The following TRA2A variants were observed in gnomAD, a reference collection of about 807,000 sequenced individuals.
TRA2A encodes the protein transformer 2 alpha homolog, also known as transformer-2 protein homolog alpha.
In TRA2A, 31 loss-of-function variants were observed where a neutral mutation model predicts 45.7. That is an observed-to-expected ratio of 0.68 (90% CI 0.51 to 0.92). The LOEUF (loss-of-function observed/expected upper bound fraction) is 0.92, where lower values mean the gene tolerates loss of function less well. Ranked by LOEUF, TRA2A falls within the 40% of genes least tolerant of loss-of-function variation. TRA2A has a pLI of 0.00. For missense variants in TRA2A, 304 were observed against 367.5 expected (o/e 0.83, Z 1.41); for synonymous variants, 132 against 126.2 (o/e 1.05, Z -0.31).
chr7:23,509,747 C>CT (rs1229073861), intron 4 of TRA2A, among the ~76,000 whole-genome samples: 2 of 150,656 alleles, frequency 1.3e-5, no homozygotes, highest in African/African-American at 4.9e-5. Flanking sequence ...AAAAAAATCA[C>CT]TTTAGCCAAG....
intron 2 of TRA2A, among the ~76,000 whole-genome samples, chr7:23,518,228 T>C (rs1789975205): frequency 6.6e-6 from 1 of 151,954 alleles, no homozygotes; most frequent in African/African-American, 2.4e-5. Flanking sequence ...CCCATAAAGT[T>C]CTACATTCCC....
intron 2 of TRA2A, among the ~76,000 whole-genome samples, chr7:23,518,426 C>T (rs567582052): frequency 1.1e-3 from 168 of 152,316 alleles, no homozygotes; most frequent in African/African-American, 3.9e-3. Context: ...ACTGCAACCT[C>T]CGCCTTCTGG....
chr7:23,508,850 C>T (rs776711193), intron 4 of TRA2A, among the ~76,000 whole-genome samples: 5 of 152,266 alleles, frequency 3.3e-5, no homozygotes, highest in East Asian at 3.9e-4. Context: ...TCTCTTAACT[C>T]GTGGCCTCAA....
In TRA2A at chr7:23,511,541, T is replaced by C. The variant is rs185607027; in HGVS notation, c.525+1353A>G. On this transcript the variant is annotated intron_variant, in intron 4 of 7. Coordinates refer to ENST00000297071, the MANE Select transcript of TRA2A (RefSeq NM_013293.5). ...ACTAAAAGTATTGAGCTTCAAATTCTTTAAAATGCAATTTTCTAAATCAAT... is the reference window on the plus strand; with the variant it reads ...ACTAAAAGTATTGAGCTTCAAATTCCTTAAAATGCAATTTTCTAAATCAAT... 3.3e-5 allele frequency among the ~76,000 whole-genome samples: 5 copies of C among 152,088 alleles called. No individual in the cohort carries two copies. The East Asian group carries it at 7.7e-4, about 23-fold the overall frequency.
At chr7:23,520,278 G>A (rs1429743495) in intron 2 of TRA2A, among the ~76,000 whole-genome samples, 1 of 152,132 alleles carries the variant, frequency 6.6e-6, no homozygotes, top group Non-Finnish European at 1.5e-5. Flanking sequence ...AAATCAGACA[G>A]TGACAACATA....
In TRA2A at chr7:23,505,584, GCAAAAAAAAAAAAAA is replaced by G; in HGVS notation, c.839-30_839-16del. ...TCAATAGCGTCCTAAAAGAGAAAAA[GCAAAAAAAAAAAAAA>G]AAAAAAAAAGTTAACAATTATAGTT... On this transcript the variant is annotated splice_polypyrimidine_tract_variant and intron_variant, in intron 7 of 7. Transcript: ENST00000297071. The G allele has an allele frequency of 5.9e-6, 1 of 168,072 alleles. No homozygotes were observed. Among genetic ancestry groups the G allele is most frequent in the Non-Finnish European group, 9.6e-6 (1 of 104,662 alleles). 10.4% of individuals were successfully genotyped at this position (168,072 alleles called of 1,614,324 possible).
intron 2 of TRA2A, among the ~76,000 whole-genome samples, chr7:23,521,488 T>TGTGGTGCA (rs1364586330): frequency 6.6e-6 from 1 of 152,246 alleles, no homozygotes; most frequent in Non-Finnish European, 1.5e-5. Flanking sequence ...GCACCCAGGC[T>TGTGGTGCA]GTGGTGCAGT....
intron 1 of TRA2A, among the ~76,000 whole-genome samples, chr7:23,528,941 T>C (rs1331451272): frequency 1.3e-5 from 2 of 152,110 alleles, no homozygotes; most frequent in Non-Finnish European, 2.9e-5. Flanking sequence ...AAAACATAAA[T>C]AACTCTGGAA....
intron 4 of TRA2A, among the ~76,000 whole-genome samples, chr7:23,510,197 CTG>C (rs1354519052): frequency 3.3e-5 from 5 of 152,192 alleles, no homozygotes; most frequent in Admixed American, 3.3e-4. Context: ...AAAAGAGAAA[CTG>C]TGATTTAGCT....
At chr7:23,517,388 A>AG in intron 2 of TRA2A, among the ~76,000 whole-genome samples, 5 of 148,320 alleles carry the variant, frequency 3.4e-5, no homozygotes. Context: ...CTGAGGCAGG[A>AG]AATGGCGCGA....
intron 4 of TRA2A, among the ~76,000 whole-genome samples, chr7:23,510,567 A>T (rs1025540616): frequency 2.0e-5 from 3 of 152,102 alleles, no homozygotes; most frequent in Non-Finnish European, 4.4e-5. Flanking sequence ...ACCTCAGGTG[A>T]TCTGCCCGCC....
At chr7:23,507,575 A>C in intron 4 of TRA2A, 40 bp from the exon 5 acceptor site, 1 of 1,345,100 alleles carries the variant, frequency 7.4e-7, no homozygotes. Flanking sequence ...ATAATTCACC[A>C]GTCTTGAAGT....
chr7:23,507,253 C>A (rs996455940), intron 5 of TRA2A, 167 bp downstream of exon 5: 5 of 586,628 alleles, frequency 8.5e-6, no homozygotes, highest in Non-Finnish European at 1.5e-5. Flanking sequence ...GCATGTGCCA[C>A]CACACCTGGC....
intron 1 of TRA2A, chr7:23,531,416 C>T: frequency 6.0e-6 from 2 of 330,688 alleles, no homozygotes; most frequent in Non-Finnish European, 5.2e-6. Context: ...GAAGCACCTA[C>T]CACTATCCGG....
At position 23,531,926 on chromosome 7, in the gene TRA2A, T is replaced by G; in HGVS notation, c.-102A>C. On this transcript the variant is annotated 5_prime_UTR_variant, in exon 1 of 8. Transcript: ENST00000297071. ...CTGGACCGTGGGGAAGAGGAAAGAG[T>G]CGGCAACCACAGCCGCTCCACTCCA... 7.4e-7 allele frequency: 1 copy of G among 1,350,378 alleles called. No homozygotes were observed. The highest frequency in any genetic ancestry group is 2.3e-5 in the East Asian group (1 of 43,144). 83.6% of individuals were successfully genotyped at this position (1,350,378 alleles called of 1,614,324 possible). A position where few individuals can be genotyped will look rare whatever the true frequency, so the allele number is the denominator to read the frequency against.
At chr7:23,507,865 A>ATC (rs1218310215) in intron 4 of TRA2A, among the ~76,000 whole-genome samples, 2 of 152,158 alleles carry the variant, frequency 1.3e-5, no homozygotes, top group African/African-American at 4.8e-5. Flanking sequence ...TTCAATTCCC[A>ATC]TTCCCCACTC....
intron 1 of TRA2A, chr7:23,522,081 C>T: frequency 2.2e-6 from 3 of 1,345,428 alleles, no homozygotes; most frequent in Non-Finnish European, 2.9e-6. Context: ...GCAAATTCAT[C>T]TACAACTTGA....
chr7:23,522,474 G>T, intron 1 of TRA2A: 1 of 1,012,422 alleles, frequency 9.9e-7, no homozygotes, highest in Non-Finnish European at 1.3e-6. Flanking sequence ...AGCACGTGGG[G>T]ATTATAAAAC....
chr7:23,528,892 G>T (rs1459595384), intron 1 of TRA2A, among the ~76,000 whole-genome samples: 2 of 152,038 alleles, frequency 1.3e-5, no homozygotes, highest in Admixed American at 1.3e-4. Flanking sequence ...TCCTGAAAAG[G>T]AGGCAATAAG....
Sources: allele counts gnomAD v4.1 joint callset (sites outside exome capture counted in the v4.1 genomes callset), GRCh38; gene constraint gnomAD v4.1.1; transcripts MANE v1.5; gene names NCBI Gene and HGNC (gene_info 2026-07-23, HGNC 2026-07-21).